PDE4D: variants seen among roughly 807,000 people sequenced by gnomAD.
The protein encoded by PDE4D is phosphodiesterase 4D, also known as 3',5'-cyclic-AMP phosphodiesterase 4D.
A neutral mutation model predicts 87.4 loss-of-function variants in PDE4D; 24 were observed. The ratio of observed to expected loss-of-function variants is 0.27; its 90% CI spans 0.20 to 0.39. The LOEUF (loss-of-function observed/expected upper bound fraction) is 0.39. Among genes scored for constraint, PDE4D ranks in the 10% least tolerant of loss-of-function variants. The pLI is 1.00. For synonymous variants in PDE4D, 384 were observed against 383.2 expected, an observed-to-expected ratio of 1.00 and a Z score of -0.02; for missense variants, 714 against 1,041.0, an observed-to-expected ratio of 0.69 and a Z score of 4.32.
chr5:60,138,815 A>G (rs1430347666), intron 2 of PDE4D, among the ~76,000 whole-genome samples: 1 of 152,106 alleles, frequency 6.6e-6, no homozygotes, highest in Non-Finnish European at 1.5e-5. Flanking sequence ...ACTACTATAA[A>G]TAATTGCCTC....
intron 1 of PDE4D, among the ~76,000 whole-genome samples, chr5:59,279,150 A>G (rs1028182792): frequency 6.6e-6 from 1 of 152,146 alleles, no homozygotes; most frequent in Admixed American, 6.6e-5. Flanking sequence ...TATCATGAGC[A>G]TATTTCTTAG....
intron 1 of PDE4D, among the ~76,000 whole-genome samples, chr5:59,778,839 A>C (rs1764328534): frequency 6.6e-6 from 1 of 152,212 alleles, no homozygotes; most frequent in Non-Finnish European, 1.5e-5. Flanking sequence ...ATTTATACTG[A>C]TCTATCTACT....
intron 1 of PDE4D, among the ~76,000 whole-genome samples, chr5:60,520,609 C>T (rs568844716): frequency 7.2e-5 from 11 of 152,276 alleles, no homozygotes; most frequent in Middle Eastern, 3.4e-3. Flanking sequence ...CTTGTGGCCC[C>T]GGGCCAGCAC....
At chr5:59,249,946 C>A (rs1759592082) in intron 1 of PDE4D, among the ~76,000 whole-genome samples, 1 of 151,978 alleles carries the variant, frequency 6.6e-6, no homozygotes, top group Non-Finnish European at 1.5e-5. Flanking sequence ...ACCCTGAACA[C>A]AATCCTCCCA....
intron 1 of PDE4D, among the ~76,000 whole-genome samples, chr5:59,438,505 C>T (rs1021923186): frequency 1.3e-5 from 2 of 152,098 alleles, no homozygotes; most frequent in Admixed American, 1.3e-4. Context: ...GCATATTTTA[C>T]GTTTGTCGAG....
intron 3 of PDE4D, among the ~76,000 whole-genome samples, chr5:59,189,141 A>T (rs1028204513): frequency 6.6e-6 from 1 of 150,874 alleles, no homozygotes; most frequent in Admixed American, 6.6e-5. Flanking sequence ...ATTCTATAGT[A>T]TTAATAACTA....
intron 2 of PDE4D, among the ~76,000 whole-genome samples, chr5:60,065,848 CA>C (rs1772010820): frequency 6.6e-6 from 1 of 152,086 alleles, no homozygotes; most frequent in Admixed American, 6.6e-5. Context: ...TGGACATTTA[CA>C]TTGGTTCCAA....
intron 2 of PDE4D, among the ~76,000 whole-genome samples, chr5:60,085,261 T>C (rs530040090): frequency 1.3e-5 from 2 of 152,178 alleles, no homozygotes; most frequent in African/African-American, 4.8e-5. Context: ...AGGGAGGGAA[T>C]ATAGGGAATA....
At chr5:59,830,966 G>A (rs1741109932) in intron 1 of PDE4D, among the ~76,000 whole-genome samples, 1 of 152,118 alleles carries the variant, frequency 6.6e-6, no homozygotes, top group African/African-American at 2.4e-5. Flanking sequence ...ATAGCAAGAA[G>A]CTGTAAATGT....
intron 1 of PDE4D, among the ~76,000 whole-genome samples, chr5:59,370,296 T>G (rs1457145): frequency 0.088 from 13,324 of 152,206 alleles, 671 homozygotes; most frequent in Middle Eastern, 0.14. Context: ...AAATCCAAAC[T>G]CTTTTCCATG....
chr5:60,271,580 A>G (rs2149724530), intron 1 of PDE4D, among the ~76,000 whole-genome samples: 1 of 152,278 alleles, frequency 6.6e-6, no homozygotes, highest in African/African-American at 2.4e-5. Flanking sequence ...CACCAAAGAA[A>G]AGGCCCTATA....
At chr5:59,385,726 C>T (rs540889807) in intron 1 of PDE4D, among the ~76,000 whole-genome samples, 4 of 152,290 alleles carry the variant, frequency 2.6e-5, no homozygotes, top group African/African-American at 9.6e-5. Flanking sequence ...ACCCCTTCCT[C>T]TAAGTTTTAG....
At chr5:59,703,817 A>G (rs544658701) in intron 1 of PDE4D, 1 of 270,150 alleles carries the variant, frequency 3.7e-6, no homozygotes, top group African/African-American at 2.3e-5. Context: ...CATTCAAGAA[A>G]AATTCATTAA....
intron 1 of PDE4D, among the ~76,000 whole-genome samples, chr5:59,397,957 A>C (rs1437379015): frequency 8.3e-6 from 1 of 120,814 alleles, no homozygotes; most frequent in Non-Finnish European, 1.8e-5. Context: ...AAACACCTCT[A>C]TGCAAATAAA....
intron 1 of PDE4D, among the ~76,000 whole-genome samples, chr5:59,660,299 T>G (rs977704100): frequency 6.6e-6 from 1 of 152,168 alleles, no homozygotes; most frequent in African/African-American, 2.4e-5. Context: ...TCTAATGAAC[T>G]CTTTCTGCCC....
intron 1 of PDE4D, among the ~76,000 whole-genome samples, chr5:59,260,180 G>A (rs747076966): frequency 4.6e-5 from 7 of 151,542 alleles, no homozygotes; most frequent in African/African-American, 7.3e-5. Flanking sequence ...GGACACTAAC[G>A]AACATAGAAA....
intron 5 of PDE4D, among the ~76,000 whole-genome samples, chr5:59,138,917 A>C (rs537673697): frequency 4.3e-4 from 66 of 152,312 alleles, no homozygotes; most frequent in African/African-American, 1.4e-3. Flanking sequence ...GATTTATGAA[A>C]GTATAGAGGA....
intron 1 of PDE4D, among the ~76,000 whole-genome samples, chr5:59,611,228 A>G (rs974308076): frequency 4.6e-5 from 7 of 152,178 alleles, no homozygotes; most frequent in African/African-American, 1.7e-4. Flanking sequence ...TTGATGGACA[A>G]CTATCTATTC....
At chr5:59,193,599 A>G (rs757840526) in intron 2 of PDE4D, 63 bp from the exon 3 acceptor site, 2 of 1,591,864 alleles carry the variant, frequency 1.3e-6, no homozygotes, top group Admixed American at 1.8e-5. Flanking sequence ...GTGTCGTTCA[A>G]TATTAAACGG....
Sources: gnomAD v4.1 joint callset for allele counts (sites outside exome capture counted in the v4.1 genomes callset) on GRCh38, gnomAD v4.1.1 for gene constraint, MANE v1.5 for transcripts, NCBI Gene and HGNC (gene_info 2026-07-23, HGNC 2026-07-21) for gene names.